RERG: variants seen among roughly 807,000 people sequenced by gnomAD.
The protein encoded by RERG is ras-related and estrogen-regulated growth inhibitor.
A neutral mutation model predicts 23.2 loss-of-function variants in RERG; 25 were observed. That is an observed-to-expected ratio of 1.08 (90% CI 0.79 to 1.50). The LOEUF (loss-of-function observed/expected upper bound fraction) is 1.50. Among genes scored for constraint, RERG ranks in the 40% most tolerant of loss-of-function variants. The probability of loss-of-function intolerance (pLI) is 0.00; values close to 1 mark genes in which losing one functional copy is unlikely to be tolerated. For missense variants in RERG, 253 were observed against 250.1 expected (o/e 1.01, Z -0.08); for synonymous variants, 81 against 89.1 (o/e 0.91, Z 0.51).
At chr12:15,203,074 C>T (rs1382690367) in intron 2 of RERG, among the ~76,000 whole-genome samples, 2 of 151,694 alleles carry the variant, frequency 1.3e-5, no homozygotes. Flanking sequence ...TGATGTTGAG[C>T]ACCTTTTCAA....
intron 2 of RERG, among the ~76,000 whole-genome samples, chr12:15,191,792 C>G (rs1249836223): frequency 6.6e-6 from 1 of 152,160 alleles, no homozygotes; most frequent in Non-Finnish European, 1.5e-5. Context: ...CCTCTGATGC[C>G]TGCAAGCCTG....
intron 2 of RERG, among the ~76,000 whole-genome samples, chr12:15,139,133 A>C (rs921794181): frequency 2.7e-5 from 4 of 146,234 alleles, no homozygotes; most frequent in African/African-American, 7.6e-5. Flanking sequence ...ATATCAGTTG[A>C]CTTTATTTGT....
At chr12:15,181,181 T>G (rs1864918454) in intron 2 of RERG, among the ~76,000 whole-genome samples, 1 of 152,170 alleles carries the variant, frequency 6.6e-6, no homozygotes, top group Admixed American at 6.5e-5. Flanking sequence ...CAGCCCTGGA[T>G]AGTGGAGGCC....
intron 2 of RERG, among the ~76,000 whole-genome samples, chr12:15,194,570 A>G (rs1865117626): frequency 6.6e-6 from 1 of 151,822 alleles, no homozygotes; most frequent in Non-Finnish European, 1.5e-5. Context: ...TCTTCCTGCC[A>G]TTCCATCATC....
intron 2 of RERG, among the ~76,000 whole-genome samples, chr12:15,213,993 A>AGT (rs1450378236): frequency 4.0e-4 from 36 of 89,412 alleles, no homozygotes; most frequent in East Asian, 2.1e-3. Context: ...AAACAGAGAA[A>AGT]GTATGTGTGT....
intron 2 of RERG, among the ~76,000 whole-genome samples, chr12:15,209,086 C>A (rs150412249): frequency 6.6e-6 from 1 of 152,154 alleles, no homozygotes; most frequent in Non-Finnish European, 1.5e-5. Context: ...ACACAAACAG[C>A]CAACTGCTGG....
intron 2 of RERG, among the ~76,000 whole-genome samples, chr12:15,214,341 A>C (rs1231828944): frequency 6.6e-6 from 1 of 152,194 alleles, no homozygotes; most frequent in East Asian, 1.9e-4. Context: ...CAGGGCAAAC[A>C]AAAGCTCACA....
chr12:15,144,775 C>T (rs1864302466), intron 2 of RERG, among the ~76,000 whole-genome samples: 1 of 152,138 alleles, frequency 6.6e-6, no homozygotes, highest in Non-Finnish European at 1.5e-5. Context: ...CCATTATGAA[C>T]ATTTATCAGT....
chr12:15,133,146 G>GATATATATATATATAT lies in RERG; in HGVS notation c.62-12043_62-12028dup, dbSNP rs376565973. Among the ~76,000 whole-genome samples, 320 of 125,156 alleles carry GATATATATATATATAT rather than the reference G, an allele frequency of 2.6e-3. 3 individuals are homozygous for GATATATATATATATAT. The highest frequency in any genetic ancestry group is 9.2e-3 in the African/African-American group (286 of 30,936). 82.1% of individuals were successfully genotyped at this position (125,156 alleles called of 152,430 possible). A position where few individuals can be genotyped will look rare whatever the true frequency, so the allele number is the denominator to read the frequency against. On this transcript the variant is annotated intron_variant, in intron 2 of 4. Coordinates refer to ENST00000256953, the MANE Select transcript of RERG (RefSeq NM_032918.3). ...CTCTTGGGGTTGTATATCCTGTGGA[G>GATATATATATATATAT]ATATATATATATATATATATATATA... is the stretch of plus-strand genomic sequence containing the variant.
At chr12:15,120,117 C>T (rs1042324043) in intron 3 of RERG, among the ~76,000 whole-genome samples, 6 of 152,018 alleles carry the variant, frequency 3.9e-5, no homozygotes, top group Admixed American at 6.6e-5. Context: ...AATTGGTCAA[C>T]GATTTAGACA....
chr12:15,110,463 CTTTTTTTTTTTTTTTTTTTT>C (rs869218147), intron 4 of RERG, among the ~76,000 whole-genome samples: 13 of 73,082 alleles, frequency 1.8e-4, no homozygotes, highest in Non-Finnish European at 3.2e-4. Context: ...CCATTTTTTT[CTTTTTTTTTTTTTTTTTTTT>C]TTTTTTTTTT....
intron 2 of RERG, among the ~76,000 whole-genome samples, chr12:15,167,810 G>A (rs567510253): frequency 6.6e-6 from 1 of 152,092 alleles, no homozygotes; most frequent in Non-Finnish European, 1.5e-5. Flanking sequence ...TTTTGGATGA[G>A]TCATTTTTCC....
intron 2 of RERG, among the ~76,000 whole-genome samples, chr12:15,207,466 A>C (rs1428890488): frequency 6.6e-6 from 1 of 152,106 alleles, no homozygotes; most frequent in Non-Finnish European, 1.5e-5. Context: ...ACAAACAAAA[A>C]CAACCATCTC....
At chr12:15,212,080 T>C (rs1591672405) in intron 2 of RERG, among the ~76,000 whole-genome samples, 1 of 126,804 alleles carries the variant, frequency 7.9e-6, no homozygotes, top group African/African-American at 3.1e-5. Context: ...TGAGACGGAG[T>C]CTCGCTCTGT....
At chr12:15,169,874 AC>A (rs1864751678) in intron 2 of RERG, among the ~76,000 whole-genome samples, 1 of 151,830 alleles carries the variant, frequency 6.6e-6, no homozygotes, top group African/African-American at 2.4e-5. Flanking sequence ...GAAGCCAAAC[AC>A]CACACAAGCA....
chr12:15,183,288 T>G (rs1182565883), intron 2 of RERG, among the ~76,000 whole-genome samples: 1 of 152,008 alleles, frequency 6.6e-6, no homozygotes. Context: ...AACACAAATC[T>G]CTGAGATACG....
At chr12:15,153,735 T>A (rs1864478813) in intron 2 of RERG, among the ~76,000 whole-genome samples, 1 of 152,182 alleles carries the variant, frequency 6.6e-6, no homozygotes. Flanking sequence ...TAAATTATCC[T>A]CTCTGGTGAT....
At chr12:15,181,925 A>C (rs186645232) in intron 2 of RERG, among the ~76,000 whole-genome samples, 13 of 152,278 alleles carry the variant, frequency 8.5e-5, no homozygotes, top group African/African-American at 3.1e-4. Context: ...CATTACAACC[A>C]CTGACCACTG....
chr12:15,159,584 G>A (rs1444399826), intron 2 of RERG, among the ~76,000 whole-genome samples: 1 of 152,202 alleles, frequency 6.6e-6, no homozygotes, highest in African/African-American at 2.4e-5. Context: ...AGCACTTTGG[G>A]AGGCCGAGGC....
Sources: allele counts gnomAD v4.1 joint callset (sites outside exome capture counted in the v4.1 genomes callset), GRCh38; gene constraint gnomAD v4.1.1; transcripts MANE v1.5; gene names NCBI Gene and HGNC (gene_info 2026-07-23, HGNC 2026-07-21).